KDM2A: variants seen among roughly 807,000 people sequenced by gnomAD.
KDM2A encodes lysine-specific demethylase 2A.
KDM2A carries 3 observed loss-of-function variants against 137.3 expected under a neutral mutation model. That is an observed-to-expected ratio of 0.02 (90% CI 0.01 to 0.06). The LOEUF is 0.06. Among genes scored for constraint, KDM2A ranks in the 10% least tolerant of loss-of-function variants. The pLI is 1.00. For missense variants in KDM2A, 738 were observed against 1,510.6 expected (o/e 0.49, Z 8.48); for synonymous variants, 512 against 541.5 (o/e 0.95, Z 0.76).
At chr11:67,146,743 C>G (rs1856257013) in intron 2 of KDM2A, among the ~76,000 whole-genome samples, 1 of 152,102 alleles carries the variant, frequency 6.6e-6, no homozygotes, top group African/African-American at 2.4e-5. Context: ...CTTCTGACCT[C>G]AGGTGATCTG....
intron 2 of KDM2A, among the ~76,000 whole-genome samples, chr11:67,163,495 C>T (rs1432194091): frequency 6.6e-6 from 1 of 152,118 alleles, no homozygotes; most frequent in South Asian, 2.1e-4. Context: ...TATCTCTAGC[C>T]ACTTAGGCCA....
At chr11:67,214,047 A>AT (rs1858078530) in intron 6 of KDM2A, among the ~76,000 whole-genome samples, 1 of 150,698 alleles carries the variant, frequency 6.6e-6, no homozygotes, top group Admixed American at 6.6e-5. Flanking sequence ...ATTTTATTTT[A>AT]TTTATTTTTT....
intron 2 of KDM2A, among the ~76,000 whole-genome samples, chr11:67,132,944 A>G (rs1335559769): frequency 6.6e-6 from 1 of 152,164 alleles, no homozygotes; most frequent in African/African-American, 2.4e-5. Context: ...AATGGAAAGG[A>G]AGAGATAGAA....
Position 67,255,086 on chromosome 11 carries a change from C to G in KDM2A, c.*31C>G. The stretch of plus-strand genomic sequence containing the variant: ...ACCCAGCCCAGATTCAACAGGAAAC[C>G]GATCTTCCCCTGACTCCCCACCGAG... On this transcript the variant is annotated 3_prime_UTR_variant, in exon 21 of 21. Coordinates refer to ENST00000529006, the MANE Select transcript of KDM2A (RefSeq NM_012308.3). 1 of 1,583,338 alleles carries G rather than the reference C, an allele frequency of 6.3e-7. No homozygotes were observed. The highest frequency in any genetic ancestry group is 8.6e-7 in the Non-Finnish European group (1 of 1,164,178).
chr11:67,231,951 T>C lies in KDM2A; in HGVS notation c.1470T>C (p.Ala490=). Residue 490 remains alanine, a synonymous_variant, in exon 12 of 21, where the codon GCT becomes GCC. Transcript: ENST00000529006. ...TGIEDEDALI[A]DVKILLEELA... is the part of the protein sequence containing the mutation. ...TAGAAGATGAAGATGCTCTCATTGC[T>C]GATGTAAAGGTAAGGGTTTGATGTG... is the stretch of plus-strand genomic sequence containing the variant. The C allele has an allele frequency of 6.2e-7, 1 of 1,611,644 alleles. No individual in the cohort carries two copies. The highest frequency in any genetic ancestry group is 1.1e-5 in the South Asian group (1 of 90,752).
intron 2 of KDM2A, among the ~76,000 whole-genome samples, chr11:67,164,216 C>T (rs975705770): frequency 1.3e-5 from 2 of 152,138 alleles, no homozygotes; most frequent in African/African-American, 4.8e-5. Context: ...AGACCCAGAC[C>T]TACTTCTGAC....
chr11:67,224,825 AGCATTTTTTTTTTTTTTTTTT>A, intron 10 of KDM2A, among the ~76,000 whole-genome samples: 1 of 128,260 alleles, frequency 7.8e-6, no homozygotes. Context: ...TGGCAGCTGC[AGCATTTTTTTTTTTTTTTTTT>A]TTTTTTTTTT....
intron 12 of KDM2A, among the ~76,000 whole-genome samples, chr11:67,242,500 G>A (rs1047026039): frequency 6.6e-6 from 1 of 152,202 alleles, no homozygotes; most frequent in Admixed American, 6.5e-5. Flanking sequence ...ACTAACTGGT[G>A]TAGAAAAGTG....
chr11:67,254,857 G>A lies in KDM2A; in HGVS notation c.3308-17G>A. On this transcript the variant is annotated splice_polypyrimidine_tract_variant and intron_variant, in intron 20 of 20. Coordinates refer to ENST00000529006, the MANE Select transcript of KDM2A (RefSeq NM_012308.3). The surrounding 1 kb of genome is among the most constrained non-coding windows in gnomAD (Gnocchi z 4.7). The stretch of plus-strand genomic sequence containing the variant: ...GTGTGTATGTGAGCACTGTCATTAT[G>A]TCCACTTTCCCGACAGGTTGCAATA... 1 of 1,611,566 alleles carries A rather than the reference G, an allele frequency of 6.2e-7. No homozygotes were observed. The highest frequency in any genetic ancestry group is 8.5e-7 in the Non-Finnish European group (1 of 1,177,870).
intron 5 of KDM2A, among the ~76,000 whole-genome samples, chr11:67,197,434 C>T (rs1248591170): frequency 6.6e-6 from 1 of 152,212 alleles, no homozygotes; most frequent in Non-Finnish European, 1.5e-5. Context: ...GCCTCGGCCC[C>T]ACCAAAGTGT....
In KDM2A at chr11:67,247,061, ATATATATATATT is replaced by A. The variant is rs1565424128; in HGVS notation, c.1965+947_1965+958del. Among the ~76,000 whole-genome samples, 5 of 24,484 alleles carry A rather than the reference ATATATATATATT, an allele frequency of 2.0e-4. No homozygotes were observed. The East Asian group carries it at 3.7e-3, about 18-fold the overall frequency. 16.1% of individuals were successfully genotyped at this position (24,484 alleles called of 152,430 possible). A position where few individuals can be genotyped will look rare whatever the true frequency, so the allele number is the denominator to read the frequency against. Reference sequence around the variant, plus strand: ...TTTATATATATATATATATATATATATATATATATATTTTTTTTTTTTTTTTTTTTTTTTTTT... The same window carrying A: ...TTTATATATATATATATATATATATATTTTTTTTTTTTTTTTTTTTTTTTT... On this transcript the variant is annotated intron_variant, in intron 15 of 20. Coordinates refer to ENST00000529006, the MANE Select transcript of KDM2A (RefSeq NM_012308.3).
chr11:67,216,677 T>C (rs1590795038), intron 8 of KDM2A, among the ~76,000 whole-genome samples: 1 of 152,026 alleles, frequency 6.6e-6, no homozygotes, highest in East Asian at 1.9e-4. Context: ...TCCCAGCACT[T>C]TGGGAGGCCA....
intron 15 of KDM2A, 110 bp from the exon 16 acceptor site, chr11:67,248,171 C>G: frequency 1.2e-6 from 1 of 806,938 alleles, no homozygotes. Flanking sequence ...GTTTTTCTCC[C>G]TTTATGGACC....
At chr11:67,174,613 A>G (rs1457171588) in intron 2 of KDM2A, among the ~76,000 whole-genome samples, 1 of 152,216 alleles carries the variant, frequency 6.6e-6, no homozygotes, top group African/African-American at 2.4e-5. Flanking sequence ...AACTACCAGT[A>G]CTTGAGTTAA....
rs761426200 is a variant in KDM2A at position 67,219,413 on chromosome 11, C to T, written c.957+10C>T. On this transcript the variant is annotated intron_variant, in intron 10 of 20. Coordinates refer to ENST00000529006, the MANE Select transcript of KDM2A (RefSeq NM_012308.3). ...TGAAGATCGGACACGGGTAAGTAAT[C>T]TTATGTAACAGTTGCATGTGAAGAG... 43 of 1,483,782 alleles carry T rather than the reference C, an allele frequency of 2.9e-5. No individual in the cohort carries two copies. Among genetic ancestry groups the T allele is most frequent in the Non-Finnish European group, 3.7e-5 (40 of 1,075,468 alleles). The allele number at this position is 1,483,782 out of a possible 1,614,324, so 91.9% of individuals were successfully genotyped here.
At chr11:67,164,438 A>G (rs1856697287) in intron 2 of KDM2A, among the ~76,000 whole-genome samples, 1 of 152,114 alleles carries the variant, frequency 6.6e-6, no homozygotes, top group African/African-American at 2.4e-5. Flanking sequence ...TGGCTTGTGT[A>G]TAACTGTTCA....
intron 8 of KDM2A, among the ~76,000 whole-genome samples, chr11:67,216,712 G>C (rs2136396634): frequency 6.6e-6 from 1 of 151,812 alleles, no homozygotes; most frequent in East Asian, 1.9e-4. Context: ...GCTGAGGTCA[G>C]GAGTTCAAGA....
intron 6 of KDM2A, among the ~76,000 whole-genome samples, chr11:67,214,439 C>T (rs1431073756): frequency 5.9e-5 from 9 of 151,998 alleles, no homozygotes; most frequent in Non-Finnish European, 8.8e-5. Context: ...CTCCTGACCT[C>T]GTGATCCACC....
chr11:67,120,645 G>A (rs965102029), intron 1 of KDM2A, among the ~76,000 whole-genome samples: 10 of 152,182 alleles, frequency 6.6e-5, no homozygotes, highest in African/African-American at 9.7e-5. Flanking sequence ...TGCACATCTT[G>A]TGTTGGGGTG....
Sources: gnomAD v4.1 joint callset for allele counts (sites outside exome capture counted in the v4.1 genomes callset) on GRCh38, gnomAD v4.1.1 for gene constraint, Gnocchi (gnomAD v3.1) non-coding constraint, MANE v1.5 for transcripts, NCBI Gene and HGNC (gene_info 2026-07-23, HGNC 2026-07-21) for gene names.